The following UGT2B15 variants were observed in gnomAD, a reference collection of about 807,000 sequenced individuals.
The protein encoded by UGT2B15 is UDP-glucuronosyltransferase 2B15.
Under a neutral mutation model 45.9 loss-of-function variants are expected in UGT2B15, and 36 were observed. The ratio of observed to expected loss-of-function variants is 0.78; its 90% CI spans 0.60 to 1.04. The LOEUF is 1.04. Among genes scored for constraint, UGT2B15 ranks in the 50% least tolerant of loss-of-function variants. The pLI is 0.00. For missense variants in UGT2B15, 617 were observed against 622.4 expected (o/e 0.99, Z 0.09); for synonymous variants, 219 against 216.4 (o/e 1.01, Z -0.11).
chr4:68,667,170 T>A lies in UGT2B15; in HGVS notation c.873+870A>T, dbSNP rs370571420. On this transcript the variant is annotated intron_variant, in intron 2 of 5. Coordinates refer to ENST00000338206, the MANE Select transcript of UGT2B15 (RefSeq NM_001076.4). ...TTTACTTTTTTTTTTTTTGTTTATT[T>A]GTTTGTTTTTGAGACAGAGTCTCGC... 1.3e-3 allele frequency among the ~76,000 whole-genome samples: 190 copies of A among 151,830 alleles called. 2 individuals are homozygous for A. Among genetic ancestry groups the A allele is most frequent in the African/African-American group, 4.3e-3 (176 of 41,370 alleles).
intron 1 of UGT2B15, 152 bp downstream of exon 1, chr4:68,669,743 A>G: frequency 2.5e-6 from 3 of 1,180,168 alleles, no homozygotes; most frequent in South Asian, 1.6e-5. Flanking sequence ...TCAACATTCT[A>G]TAATATTTTT....
At chr4:68,656,737 G>C (rs570929558) in intron 3 of UGT2B15, among the ~76,000 whole-genome samples, 1 of 152,118 alleles carries the variant, frequency 6.6e-6, no homozygotes, top group South Asian at 2.1e-4. Flanking sequence ...CAGAACAAAG[G>C]CACCACTCAC....
chr4:68,658,542 C>T (rs367638420), intron 3 of UGT2B15, among the ~76,000 whole-genome samples: 1 of 151,920 alleles, frequency 6.6e-6, no homozygotes, highest in Non-Finnish European at 1.5e-5. Flanking sequence ...GTAAACCAAG[C>T]CCAAAACAGA....
At chr4:68,663,775 C>G (rs990437291) in intron 2 of UGT2B15, among the ~76,000 whole-genome samples, 1 of 150,624 alleles carries the variant, frequency 6.6e-6, no homozygotes, top group African/African-American at 2.5e-5. Flanking sequence ...ACCCCCACCC[C>G]CCAAAAACAC....
At chr4:68,659,496 T>C (rs1269888510) in intron 3 of UGT2B15, among the ~76,000 whole-genome samples, 1 of 151,988 alleles carries the variant, frequency 6.6e-6, no homozygotes, top group Non-Finnish European at 1.5e-5. Context: ...AAGTATGTTA[T>C]TGTTATGTGT....
intron 3 of UGT2B15, among the ~76,000 whole-genome samples, chr4:68,660,626 A>G (rs193168340): frequency 9.9e-5 from 15 of 152,028 alleles, no homozygotes; most frequent in Admixed American, 2.6e-4. Flanking sequence ...TTCAAAAATA[A>G]CAGTATACCT....
intron 2 of UGT2B15, 64 bp from the exon 3 acceptor site, chr4:68,663,203 T>C (rs376809072): frequency 1.0e-5 from 16 of 1,549,092 alleles, no homozygotes; most frequent in South Asian, 3.4e-5. Flanking sequence ...ATTGACAGGA[T>C]TGTTACAAAC....
chr4:68,660,708 T>G (rs1199896635), intron 3 of UGT2B15, among the ~76,000 whole-genome samples: 1 of 151,998 alleles, frequency 6.6e-6, no homozygotes, highest in African/African-American at 2.4e-5. Flanking sequence ...TGAATTCTAA[T>G]TTTTCATGGC....
At chr4:68,658,400 TATG>T (rs1732871562) in intron 3 of UGT2B15, among the ~76,000 whole-genome samples, 1 of 152,136 alleles carries the variant, frequency 6.6e-6, no homozygotes, top group South Asian at 2.1e-4. Flanking sequence ...ATTGCTAAAG[TATG>T]ATAATATTAG....
intron 2 of UGT2B15, among the ~76,000 whole-genome samples, chr4:68,665,538 C>A (rs559086772): frequency 1.3e-5 from 2 of 152,018 alleles, no homozygotes; most frequent in African/African-American, 2.4e-5. Flanking sequence ...ATTCTCTGTA[C>A]AGTTTCATGT....
chr4:68,670,125 A>C lies in UGT2B15; in HGVS notation c.494T>G (p.Phe165Cys). The change falls in exon 1 of 6, where the codon TTT becomes TGT. Residue 165 changes from phenylalanine to cysteine, a missense_variant. This residue lies in a region of UGT2B15 where 351 missense variants were observed against 342.1 expected (regional missense o/e 1.03). Transcript: ENST00000338206. ...AAGACTGTACAGAAAGGGTATGTTA[A>C]ATAGTTCAGCCAGTAGCTCACCACA... ...NPCGELLAEL[F>C]NIPFLYSLRF... 1 of 1,614,102 alleles carries C rather than the reference A, an allele frequency of 6.2e-7. No homozygotes were observed. The highest frequency in any genetic ancestry group is 8.5e-7 in the Non-Finnish European group (1 of 1,179,982).
At chr4:68,654,963 T>C (rs1732760503) in intron 4 of UGT2B15, 132 bp downstream of exon 4, 2 of 1,139,296 alleles carry the variant, frequency 1.8e-6, no homozygotes, top group Non-Finnish European at 2.5e-6. Context: ...AAAATAAATA[T>C]AAAGTAGTTA....
intron 3 of UGT2B15, 93 bp from the exon 4 acceptor site, chr4:68,655,275 A>G: frequency 1.4e-6 from 2 of 1,434,324 alleles, no homozygotes; most frequent in Non-Finnish European, 9.6e-7. Flanking sequence ...CAGTTAGTTA[A>G]TCCATATAAA....
rs1234876440 is a variant in UGT2B15 at position 68,670,160 on chromosome 4, G to A, written c.459C>T (p.Ala153=). ...ESKFDVILAD[A]LNPCGELLAE... is the part of the protein sequence containing the mutation. Reference sequence around the variant, plus strand: ...CCAGTAGCTCACCACAGGGATTAAGGGCATCTGCCAGAATGACATCAAACT... The same window carrying A: ...CCAGTAGCTCACCACAGGGATTAAGAGCATCTGCCAGAATGACATCAAACT... The change falls in exon 1 of 6, where the codon GCC becomes GCT. Residue 153 remains alanine, a synonymous_variant. Coordinates refer to ENST00000338206, the MANE Select transcript of UGT2B15 (RefSeq NM_001076.4). The A allele has an allele frequency of 6.2e-7, 1 of 1,613,882 alleles. No homozygotes were observed. Among genetic ancestry groups the A allele is most frequent in the Non-Finnish European group, 8.5e-7 (1 of 1,179,974 alleles).
At chr4:68,656,769 C>T (rs1190211140) in intron 3 of UGT2B15, among the ~76,000 whole-genome samples, 1 of 151,898 alleles carries the variant, frequency 6.6e-6, no homozygotes, top group Admixed American at 6.6e-5. Flanking sequence ...TGTCTGTTTT[C>T]TTTGTGGAGT....
intron 3 of UGT2B15, among the ~76,000 whole-genome samples, chr4:68,658,741 A>C (rs1732880230): frequency 6.6e-6 from 1 of 152,058 alleles, no homozygotes; most frequent in African/African-American, 2.4e-5. Flanking sequence ...GCTAAACCAT[A>C]AAGGGTGTGA....
chr4:68,654,381 A>T, intron 4 of UGT2B15, 125 bp from the exon 5 acceptor site: 1 of 889,460 alleles, frequency 1.1e-6, no homozygotes, highest in South Asian at 2.5e-5. Flanking sequence ...ACAAAACTGC[A>T]TTGAAATTGT....
intron 3 of UGT2B15, among the ~76,000 whole-genome samples, chr4:68,662,580 T>C (rs183635239): frequency 6.7e-5 from 10 of 149,186 alleles, no homozygotes; most frequent in Non-Finnish European, 3.0e-5. Flanking sequence ...TTCAAAGTTT[T>C]TTCGATACCT....
At chr4:68,655,288 A>C in intron 3 of UGT2B15, 106 bp from the exon 4 acceptor site, 1 of 1,370,002 alleles carries the variant, frequency 7.3e-7, no homozygotes, top group Non-Finnish European at 1.0e-6. Context: ...CATATAAAAG[A>C]TGAAGAAATA....
Sources: allele counts gnomAD v4.1 joint callset (sites outside exome capture counted in the v4.1 genomes callset), GRCh38; gene constraint gnomAD v4.1.1; regional missense constraint gnomAD v4.1.1; transcripts MANE v1.5; gene names NCBI Gene and HGNC (gene_info 2026-07-23, HGNC 2026-07-21).